Variants in GPHN observed in about 807,000 individuals in gnomAD.
GPHN encodes the protein gephyrin.
A neutral mutation model predicts 95.5 loss-of-function variants in GPHN; 17 were observed. The observed-to-expected ratio is 0.18, with a 90% CI of 0.12 to 0.27. GPHN has a LOEUF of 0.27. Among genes scored for constraint, GPHN ranks in the 10% least tolerant of loss-of-function variants. GPHN has a pLI of 1.00. For synonymous variants in GPHN, 320 were observed against 322.5 expected, an observed-to-expected ratio of 0.99 and a Z score of 0.08; for missense variants, 660 against 978.1, an observed-to-expected ratio of 0.67 and a Z score of 4.34.
intron 4 of GPHN, among the ~76,000 whole-genome samples, chr14:66,877,711 AC>A (rs1412483128): frequency 1.3e-5 from 2 of 152,144 alleles, no homozygotes; most frequent in East Asian, 3.9e-4. Context: ...AGAACTACAA[AC>A]CACTGCTCAA....
the GPHN span, among the ~76,000 whole-genome samples, chr14:67,226,230 C>T: frequency 2.0e-5 from 3 of 152,076 alleles, no homozygotes; most frequent in African/African-American, 4.8e-5. Flanking sequence ...CTTGCTCTGT[C>T]GCCCAGGCTG....
chr14:66,878,731 G>A (rs2153532937), intron 4 of GPHN, among the ~76,000 whole-genome samples: 1 of 152,274 alleles, frequency 6.6e-6, no homozygotes, highest in Non-Finnish European at 1.5e-5. Flanking sequence ...GCTGGATAGG[G>A]ATGTGGAAAA....
intron 8 of GPHN, among the ~76,000 whole-genome samples, chr14:66,933,935 T>C (rs1159978467): frequency 1.3e-5 from 2 of 151,906 alleles, no homozygotes. Context: ...ACCCAGGAGT[T>C]TGAGACCAAC....
the GPHN span, among the ~76,000 whole-genome samples, chr14:67,639,906 T>C: frequency 1.7e-5 from 2 of 119,250 alleles, no homozygotes; most frequent in African/African-American, 6.7e-5. Context: ...GCCTGCATGA[T>C]AGCGCAAGAC....
chr14:67,510,229 T>G, the GPHN span, among the ~76,000 whole-genome samples: 1 of 152,232 alleles, frequency 6.6e-6, no homozygotes, highest in Non-Finnish European at 1.5e-5. Context: ...TTGTCATTAT[T>G]ATTGCCATGA....
In GPHN at chr14:66,898,013, G is replaced by A. The variant is rs1418707829; in HGVS notation, c.389+17980G>A. 2.6e-5 allele frequency among the ~76,000 whole-genome samples: 4 copies of A among 151,978 alleles called. No homozygotes were observed. The East Asian group carries it at 7.7e-4, about 29-fold the overall frequency. On this transcript the variant is annotated intron_variant, in intron 5 of 22. Coordinates refer to ENST00000478722, the MANE Select transcript of GPHN (RefSeq NM_020806.5). ...TTTCCCTAATGACTAGTAATTTTGAGCATCTGTTCAGGTGTTTTGCCTATT... is the reference window on the plus strand; with the variant it reads ...TTTCCCTAATGACTAGTAATTTTGAACATCTGTTCAGGTGTTTTGCCTATT...
At chr14:66,928,532 T>A (rs2066611238) in intron 8 of GPHN, among the ~76,000 whole-genome samples, 1 of 152,186 alleles carries the variant, frequency 6.6e-6, no homozygotes, top group Admixed American at 6.5e-5. Context: ...TTATTGCTGC[T>A]CTGATCTTTA....
In GPHN at chr14:67,104,537, C is replaced by T. The variant is rs74940857; in HGVS notation, c.1293+3626C>T. 1.6e-4 allele frequency among the ~76,000 whole-genome samples: 25 copies of T among 152,090 alleles called. 1 individual carries two copies. In the East Asian group the frequency reaches 4.8e-3, roughly 29 times the overall value. On this transcript the variant is annotated intron_variant, in intron 13 of 22. Coordinates refer to ENST00000478722, the MANE Select transcript of GPHN (RefSeq NM_020806.5). ...TTATTACAGATTCAGTCTCATTACT[C>T]ATGATTGATCTGTTCAGGTTTTCTA...
chr14:67,062,911 A>G (rs2075882950), intron 11 of GPHN, among the ~76,000 whole-genome samples: 1 of 152,064 alleles, frequency 6.6e-6, no homozygotes, highest in African/African-American at 2.4e-5. Flanking sequence ...CCGTGCAGAA[A>G]GTTCTTTAGT....
At chr14:67,148,861 C>T (rs1422501054) in intron 18 of GPHN, among the ~76,000 whole-genome samples, 4 of 151,770 alleles carry the variant, frequency 2.6e-5, no homozygotes, top group South Asian at 4.2e-4. Context: ...CCACCGCGCC[C>T]GGCCAGTTTG....
chr14:66,572,482 C>G (rs979894510), intron 1 of GPHN, among the ~76,000 whole-genome samples: 6 of 148,456 alleles, frequency 4.0e-5, no homozygotes, highest in Non-Finnish European at 7.5e-5. Context: ...ATTTATTCCT[C>G]TGTGTGTGTG....
intron 2 of GPHN, among the ~76,000 whole-genome samples, chr14:66,761,323 A>T (rs1438658344): frequency 2.0e-5 from 3 of 152,226 alleles, no homozygotes; most frequent in Non-Finnish European, 4.4e-5. Context: ...CATTTGTATA[A>T]TAACTAGTGA....
chr14:67,370,939 G>A, the GPHN span, among the ~76,000 whole-genome samples: 2 of 152,120 alleles, frequency 1.3e-5, no homozygotes, highest in Non-Finnish European at 2.9e-5. Flanking sequence ...TGAGGTTGGA[G>A]GATTGCTTGA....
At chr14:66,743,171 C>T (rs2153441753) in intron 2 of GPHN, among the ~76,000 whole-genome samples, 1 of 145,482 alleles carries the variant, frequency 6.9e-6, no homozygotes, top group Non-Finnish European at 1.5e-5. Flanking sequence ...ACCTGATTCC[C>T]TGTGTAGAGA....
rs145462220 is a variant in GPHN, at chr14:66,777,679, C to A, written c.201+1158C>A. 7.0e-3 allele frequency among the ~76,000 whole-genome samples: 1,068 copies of A among 152,282 alleles called. 4 individuals are homozygous for A. The highest frequency in any genetic ancestry group is 0.025 in the African/African-American group (1,020 of 41,534). On this transcript the variant is annotated intron_variant, in intron 3 of 22. Transcript: ENST00000478722. ...CAAGGCTGGTTCAATTTACGCAAAT[C>A]AATAAATGTAATCCAGCATATAAAC...
At chr14:67,540,625 C>CAAA in the GPHN span, among the ~76,000 whole-genome samples, 71 of 123,240 alleles carry the variant, frequency 5.8e-4, no homozygotes, top group South Asian at 1.6e-3. Flanking sequence ...GACTCTCCCT[C>CAAA]AAAAAAAAAA....
the GPHN span, among the ~76,000 whole-genome samples, chr14:67,698,855 T>C: frequency 6.6e-6 from 1 of 152,186 alleles, no homozygotes; most frequent in Non-Finnish European, 1.5e-5. Flanking sequence ...GTTACTGTGT[T>C]CCAATGAAAC....
chr14:66,669,409 A>G (rs2066169678), intron 1 of GPHN, among the ~76,000 whole-genome samples: 1 of 151,290 alleles, frequency 6.6e-6, no homozygotes, highest in Non-Finnish European at 1.5e-5. Flanking sequence ...TAGTTTTCGA[A>G]TATTTGGCCA....
chr14:67,433,432 TC>T, the GPHN span, among the ~76,000 whole-genome samples: 4 of 152,258 alleles, frequency 2.6e-5, no homozygotes, highest in Non-Finnish European at 5.9e-5. Flanking sequence ...GATTTTTTTT[TC>T]AAAGAAAATT....
Sources: gnomAD v4.1 joint callset for allele counts (sites outside exome capture counted in the v4.1 genomes callset) on GRCh38, gnomAD v4.1.1 for gene constraint, MANE v1.5 for transcripts, NCBI Gene and HGNC (gene_info 2026-07-23, HGNC 2026-07-21) for gene names.